The following STIM2 variants were observed in gnomAD, a reference collection of about 807,000 sequenced individuals.
STIM2 encodes stromal interaction molecule 2.
A neutral mutation model predicts 85.8 loss-of-function variants in STIM2; 31 were observed. The ratio of observed to expected loss-of-function variants is 0.36; its 90% CI spans 0.27 to 0.49. STIM2 has a LOEUF of 0.49. Ranked by LOEUF, STIM2 falls within the 20% of genes least tolerant of loss-of-function variation. STIM2 has a pLI of 0.98. For synonymous variants in STIM2, 356 were observed against 331.1 expected, an observed-to-expected ratio of 1.08 and a Z score of -0.82; for missense variants, 841 against 927.6, an observed-to-expected ratio of 0.91 and a Z score of 1.21.
At chr4:27,013,861 C>T (rs1340896638) in intron 10 of STIM2, among the ~76,000 whole-genome samples, 2 of 151,920 alleles carry the variant, frequency 1.3e-5, no homozygotes, top group African/African-American at 2.4e-5. Flanking sequence ...AATACATTGC[C>T]TATGGATTGA....
chr4:26,991,678 G>A (rs532536087), intron 3 of STIM2, among the ~76,000 whole-genome samples: 3 of 151,986 alleles, frequency 2.0e-5, no homozygotes, highest in Non-Finnish European at 4.4e-5. Flanking sequence ...AATACCATAT[G>A]TACTCCCAAC....
intron 5 of STIM2, 37 bp downstream of exon 5, chr4:26,999,384 G>T: frequency 7.8e-7 from 1 of 1,285,764 alleles, no homozygotes; most frequent in South Asian, 1.4e-5. Flanking sequence ...TGATGTAAAA[G>T]AATATCCTGA....
intron 1 of STIM2, among the ~76,000 whole-genome samples, chr4:26,896,344 T>G (rs1723700806): frequency 2.0e-5 from 3 of 152,238 alleles, no homozygotes; most frequent in African/African-American, 7.2e-5. Flanking sequence ...TGTAAAATCC[T>G]TTCTGCCATG....
intron 1 of STIM2, among the ~76,000 whole-genome samples, chr4:26,869,092 C>T (rs772859308): frequency 4.6e-5 from 7 of 151,910 alleles, no homozygotes; most frequent in African/African-American, 7.3e-5. Flanking sequence ...CCCAGGACTT[C>T]GAGACCAGTC....
chr4:26,897,682 A>G (rs977158557), intron 1 of STIM2, among the ~76,000 whole-genome samples: 18 of 152,328 alleles, frequency 1.2e-4, no homozygotes, highest in African/African-American at 4.1e-4. Flanking sequence ...TGTAACCACA[A>G]GGATAGCATC....
intron 1 of STIM2, among the ~76,000 whole-genome samples, chr4:26,874,718 G>A (rs1722753497): frequency 6.6e-6 from 1 of 152,170 alleles, no homozygotes; most frequent in African/African-American, 2.4e-5. Flanking sequence ...GAAATTGGAA[G>A]TAGTAAAATC....
intron 4 of STIM2, among the ~76,000 whole-genome samples, chr4:26,996,280 G>C (rs1263476433): frequency 3.9e-5 from 6 of 152,000 alleles, no homozygotes; most frequent in Non-Finnish European, 7.4e-5. Flanking sequence ...TAATAATCTT[G>C]AAGGATTTAA....
At chr4:26,861,494 G>C (rs1195537571) in intron 1 of STIM2, 125 bp downstream of exon 1, 1 of 1,218,234 alleles carries the variant, frequency 8.2e-7, no homozygotes. Context: ...GCGATGCGGA[G>C]CCCTGCCTGC....
At chr4:26,880,828 C>T (rs1483748091) in intron 1 of STIM2, among the ~76,000 whole-genome samples, 1 of 151,092 alleles carries the variant, frequency 6.6e-6, no homozygotes, top group African/African-American at 2.4e-5. Context: ...TTTCAAAGAT[C>T]TTAGAATTCT....
At chr4:26,945,334 C>T (rs552959896) in intron 2 of STIM2, among the ~76,000 whole-genome samples, 1 of 152,226 alleles carries the variant, frequency 6.6e-6, no homozygotes, top group African/African-American at 2.4e-5. Context: ...TTTTCTTTAT[C>T]CAGTCTGTCA....
intron 1 of STIM2, among the ~76,000 whole-genome samples, chr4:26,904,962 A>C (rs1577428730): frequency 1.3e-5 from 2 of 152,150 alleles, no homozygotes; most frequent in East Asian, 3.9e-4. Flanking sequence ...GCAGAGATAC[A>C]GTTTGAAAGT....
intron 2 of STIM2, among the ~76,000 whole-genome samples, chr4:26,928,195 A>G (rs1226202711): frequency 1.3e-5 from 2 of 152,114 alleles, no homozygotes; most frequent in African/African-American, 2.4e-5. Flanking sequence ...TTATGGTCCT[A>G]TTACCTCCCA....
rs778412917 is a variant in STIM2, at chr4:26,861,348, G to T, written c.130G>T (p.Asp44Tyr). The T allele has an allele frequency of 7.3e-7, 1 of 1,369,588 alleles. No individual in the cohort carries two copies. Among genetic ancestry groups the T allele is most frequent in the African/African-American group, 1.5e-5 (1 of 65,584 alleles). The allele number at this position is 1,369,588 out of a possible 1,614,324, so 84.8% of individuals were successfully genotyped here. Residue 44 changes from aspartate to tyrosine, a missense_variant, in exon 1 of 12, where the codon GAT (aspartate) becomes TAT (tyrosine). Transcript: ENST00000467087. ...CTCCTCTCCCGCCGCGGCGGCCGGC[G>T]ATAGCCCGGCGCTCATGACAGGTGA...
At chr4:26,934,503 T>G (rs1725324472) in intron 2 of STIM2, among the ~76,000 whole-genome samples, 2 of 152,258 alleles carry the variant, frequency 1.3e-5, no homozygotes, top group African/African-American at 4.8e-5. Context: ...GGCCACTGTT[T>G]GCAGGTTTCT....
At position 27,024,101 on chromosome 4, in the gene STIM2, TTTATA is replaced by T. The variant is rs538618182; in HGVS notation, c.*1108_*1112del. Reference sequence around the variant, plus strand: ...ACGTAAGTTGTCAACAAATTTCTATTTTATATTGTTATATTTTTATGTAGTTTGAA... The same window carrying T: ...ACGTAAGTTGTCAACAAATTTCTATTTTGTTATATTTTTATGTAGTTTGAA... On this transcript the variant is annotated 3_prime_UTR_variant, in exon 12 of 12. Coordinates refer to ENST00000467087, the MANE Select transcript of STIM2 (RefSeq NM_020860.4). The T allele has an allele frequency of 1.3e-3, 197 of 152,696 alleles. 1 individual carries two copies. The highest frequency in any genetic ancestry group is 5.4e-4 in the Non-Finnish European group (37 of 68,030). The allele number at this position is 152,696 out of a possible 1,614,324, so 9.5% of individuals were successfully genotyped here. A position where few individuals can be genotyped will look rare whatever the true frequency, so the allele number is the denominator to read the frequency against.
intron 1 of STIM2, among the ~76,000 whole-genome samples, chr4:26,911,849 C>G (rs140203643): frequency 3.9e-5 from 6 of 152,152 alleles, no homozygotes; most frequent in African/African-American, 1.4e-4. Context: ...ATGCATTACT[C>G]TTTTTGGAGA....
intron 3 of STIM2, among the ~76,000 whole-genome samples, chr4:26,980,552 G>A (rs1469051369): frequency 6.6e-6 from 1 of 151,658 alleles, no homozygotes; most frequent in African/African-American, 2.4e-5. Context: ...AATTACCAAG[G>A]AATATAAATG....
intron 1 of STIM2, among the ~76,000 whole-genome samples, chr4:26,907,585 T>C (rs1724178252): frequency 6.6e-6 from 1 of 152,224 alleles, no homozygotes; most frequent in Non-Finnish European, 1.5e-5. Context: ...ATGTTTTAAT[T>C]ATCAATAAAG....
intron 3 of STIM2, among the ~76,000 whole-genome samples, chr4:26,986,232 G>A (rs941613864): frequency 1.3e-5 from 2 of 152,176 alleles, no homozygotes; most frequent in Admixed American, 6.5e-5. Context: ...ATGTAGCAGA[G>A]TTTCTGGAAA....
Sources: gnomAD v4.1 joint callset for allele counts (sites outside exome capture counted in the v4.1 genomes callset) on GRCh38, gnomAD v4.1.1 for gene constraint, MANE v1.5 for transcripts, NCBI Gene and HGNC (gene_info 2026-07-23, HGNC 2026-07-21) for gene names.